The following SYNPR variants were observed in gnomAD, a reference collection of about 807,000 sequenced individuals.
The protein encoded by SYNPR is synaptoporin.
Under a neutral mutation model 32.9 loss-of-function variants are expected in SYNPR, and 23 were observed. The observed-to-expected ratio is 0.70, with a 90% CI of 0.50 to 0.99. The LOEUF is 0.99. Ranked by LOEUF, SYNPR falls within the 50% of genes least tolerant of loss-of-function variation. The pLI, the probability that SYNPR is intolerant of heterozygous loss-of-function variation, is 0.00. For missense variants in SYNPR, 318 were observed against 349.3 expected, an observed-to-expected ratio of 0.91 and a Z score of 0.71; for synonymous variants, 146 against 135.9, an observed-to-expected ratio of 1.07 and a Z score of -0.52.
intron 4 of SYNPR, among the ~76,000 whole-genome samples, chr3:63,604,993 G>A (rs1022945705): frequency 7.2e-5 from 11 of 152,150 alleles, no homozygotes; most frequent in African/African-American, 1.2e-4. Context: ...ACAAAATTGC[G>A]ATCATTTTAT....
At chr3:63,211,030 AT>A in the SYNPR span, among the ~76,000 whole-genome samples, 2 of 152,036 alleles carry the variant, frequency 1.3e-5, no homozygotes, top group Non-Finnish European at 2.9e-5. Flanking sequence ...ATCTAACTAG[AT>A]TTGTTTCTAT....
chr3:63,271,550 C>G (rs2086535681), intron 3 of SYNPR, among the ~76,000 whole-genome samples: 1 of 152,034 alleles, frequency 6.6e-6, no homozygotes, highest in South Asian at 2.1e-4. Context: ...GGATTACATA[C>G]TTTTGTTAAG....
At chr3:63,338,090 G>A (rs1392036710) in intron 2 of SYNPR, among the ~76,000 whole-genome samples, 28 of 152,160 alleles carry the variant, frequency 1.8e-4, no homozygotes, top group Non-Finnish European at 2.9e-5. Context: ...TTAATAATAG[G>A]AGAAACCGTG....
chr3:63,600,090 A>G (rs1368299038), intron 4 of SYNPR, among the ~76,000 whole-genome samples: 2 of 152,250 alleles, frequency 1.3e-5, no homozygotes, highest in Non-Finnish European at 2.9e-5. Context: ...CAAGCCAGCC[A>G]TCAATTATAA....
intron 3 of SYNPR, among the ~76,000 whole-genome samples, chr3:63,509,096 C>T (rs998352292): frequency 3.3e-5 from 5 of 150,814 alleles, no homozygotes; most frequent in African/African-American, 1.2e-4. Flanking sequence ...ACTCATGTAC[C>T]TTTCAGCATA....
At chr3:63,566,195 G>A (rs912674764) in intron 4 of SYNPR, among the ~76,000 whole-genome samples, 2 of 151,932 alleles carry the variant, frequency 1.3e-5, no homozygotes, top group Non-Finnish European at 2.9e-5. Flanking sequence ...TAGCAACTTG[G>A]GCACTAGTTT....
intron 2 of SYNPR, among the ~76,000 whole-genome samples, chr3:63,372,380 A>C (rs535425488): frequency 8.0e-5 from 12 of 150,826 alleles, no homozygotes; most frequent in African/African-American, 2.9e-4. Context: ...GGGAGCTCCC[A>C]GAGGCAACTG....
chr3:63,280,500 C>T (rs2086618304), intron 2 of SYNPR, among the ~76,000 whole-genome samples: 1 of 150,396 alleles, frequency 6.6e-6, no homozygotes, highest in Non-Finnish European at 1.5e-5. Context: ...ATGGAATGTC[C>T]TCACCTTCCA....
At chr3:63,432,480 T>G (rs1700011674) in intron 2 of SYNPR, among the ~76,000 whole-genome samples, 1 of 152,196 alleles carries the variant, frequency 6.6e-6, no homozygotes, top group Non-Finnish European at 1.5e-5. Context: ...GAACTTTAAT[T>G]TTTGTAAATT....
At chr3:63,393,916 A>T (rs1048953331) in intron 2 of SYNPR, among the ~76,000 whole-genome samples, 1 of 152,058 alleles carries the variant, frequency 6.6e-6, no homozygotes, top group African/African-American at 2.4e-5. Context: ...ATTTCTGTTT[A>T]TATCTTTTGT....
At chr3:63,337,048 A>G (rs2087304371) in intron 2 of SYNPR, among the ~76,000 whole-genome samples, 1 of 152,004 alleles carries the variant, frequency 6.6e-6, no homozygotes, top group Admixed American at 6.5e-5. Context: ...CCTGGCCAAC[A>G]TGGTGAAATC....
chr3:63,295,541 G>A (rs1418905180), intron 2 of SYNPR, among the ~76,000 whole-genome samples: 1 of 152,170 alleles, frequency 6.6e-6, no homozygotes, highest in African/African-American at 2.4e-5. Context: ...GTACTTGGCA[G>A]GGCAAAATCA....
chr3:63,383,340 A>G (rs1367288387), intron 2 of SYNPR, among the ~76,000 whole-genome samples: 1 of 152,232 alleles, frequency 6.6e-6, no homozygotes, highest in African/African-American at 2.4e-5. Flanking sequence ...AATAGAGCTG[A>G]GCCAAGAGTG....
At chr3:63,496,608 A>T (rs1374268916) in intron 3 of SYNPR, among the ~76,000 whole-genome samples, 1 of 152,218 alleles carries the variant, frequency 6.6e-6, no homozygotes, top group African/African-American at 2.4e-5. Context: ...TATCAGGAAG[A>T]TATGAAAGTG....
chr3:63,248,540 A>G (rs1220246135), intron 1 of SYNPR, among the ~76,000 whole-genome samples: 1 of 152,158 alleles, frequency 6.6e-6, no homozygotes, highest in Non-Finnish European at 1.5e-5. Context: ...TAGATGCTAC[A>G]GAATCGAGGT....
intron 1 of SYNPR, among the ~76,000 whole-genome samples, chr3:63,237,464 T>C (rs970835593): frequency 2.0e-5 from 3 of 152,182 alleles, no homozygotes; most frequent in Non-Finnish European, 4.4e-5. Context: ...AATGTATAAT[T>C]TGTTGTTACA....
At chr3:63,382,039 C>A (rs2087977236) in intron 2 of SYNPR, among the ~76,000 whole-genome samples, 1 of 152,142 alleles carries the variant, frequency 6.6e-6, no homozygotes, top group South Asian at 2.1e-4. Flanking sequence ...TTAAACATTT[C>A]TTTTAAATAC....
At chr3:63,210,146 C>G in the SYNPR span, among the ~76,000 whole-genome samples, 1 of 152,074 alleles carries the variant, frequency 6.6e-6, no homozygotes, top group Non-Finnish European at 1.5e-5. Context: ...TAGAGAGATT[C>G]AATTCACTAT....
intron 2 of SYNPR, among the ~76,000 whole-genome samples, chr3:63,390,999 A>C (rs1461934104): frequency 2.6e-5 from 4 of 152,242 alleles, no homozygotes; most frequent in Non-Finnish European, 5.9e-5. Flanking sequence ...GGCCGTAGTA[A>C]GTCCTCAATA....
Sources: allele counts gnomAD v4.1 joint callset (sites outside exome capture counted in the v4.1 genomes callset), GRCh38; gene constraint gnomAD v4.1.1; transcripts MANE v1.5; gene names NCBI Gene and HGNC (gene_info 2026-07-23, HGNC 2026-07-21).